The following XKR6 variants were observed in gnomAD, a reference collection of about 807,000 sequenced individuals.
The protein encoded by XKR6 is XK related 6, also known as XK-related protein 6.
XKR6 carries 22 observed loss-of-function variants against 56.7 expected under a neutral mutation model. The ratio of observed to expected loss-of-function variants is 0.39; its 90% CI spans 0.28 to 0.55. XKR6 has a LOEUF of 0.55. XKR6 is among the 20% of genes least tolerant of loss of function. XKR6 has a pLI of 0.66. For missense variants in XKR6, 852 were observed against 889.0 expected (o/e 0.96, Z 0.53); for synonymous variants, 524 against 387.8 (o/e 1.35, Z -4.13).
chr8:11,060,626 C>T (rs1236441661), intron 1 of XKR6, among the ~76,000 whole-genome samples: 1 of 152,176 alleles, frequency 6.6e-6, no homozygotes, highest in Non-Finnish European at 1.5e-5. Context: ...TTACACTTCC[C>T]GTACACAAAG....
intron 1 of XKR6, among the ~76,000 whole-genome samples, chr8:11,018,430 G>T (rs977556009): frequency 6.6e-6 from 1 of 152,330 alleles, no homozygotes; most frequent in East Asian, 1.9e-4. Flanking sequence ...GATGGCAAGA[G>T]AGGGAGGCCA....
chr8:11,135,175 G>A lies in XKR6; in HGVS notation c.764+65401C>T, dbSNP rs189720687. 5.3e-3 allele frequency among the ~76,000 whole-genome samples: 805 copies of A among 151,904 alleles called. 5 individuals carry two copies. The highest frequency in any genetic ancestry group is 9.3e-3 in the Non-Finnish European group (633 of 67,968). ...CTCCCGAGTAGCTGGGACTACAGGC[G>A]CCCACCAACAAGCCTGGCTAATTTT... On this transcript the variant is annotated intron_variant, in intron 1 of 2. Coordinates refer to ENST00000416569, the MANE Select transcript of XKR6 (RefSeq NM_173683.4).
intron 1 of XKR6, among the ~76,000 whole-genome samples, chr8:11,048,085 T>G (rs931742169): frequency 2.6e-5 from 4 of 152,102 alleles, no homozygotes; most frequent in Non-Finnish European, 5.9e-5. Context: ...AAGGGGACTG[T>G]CTGTATCCTT....
intron 1 of XKR6, among the ~76,000 whole-genome samples, chr8:10,984,297 T>A (rs1797801406): frequency 6.6e-6 from 1 of 152,160 alleles, no homozygotes; most frequent in Non-Finnish European, 1.5e-5. Context: ...TTGTAAAACA[T>A]AATAAAATTC....
At chr8:11,059,794 G>C (rs987030979) in intron 1 of XKR6, among the ~76,000 whole-genome samples, 1 of 152,004 alleles carries the variant, frequency 6.6e-6, no homozygotes, top group East Asian at 1.9e-4. Context: ...GACCCCGCTG[G>C]AGCGCGGTCC....
chr8:11,076,946 C>T (rs1458964673), intron 1 of XKR6, among the ~76,000 whole-genome samples: 1 of 152,210 alleles, frequency 6.6e-6, no homozygotes, highest in Non-Finnish European at 1.5e-5. Flanking sequence ...GAGGCTGAGG[C>T]ATGAGGATTG....
At chr8:10,961,832 C>A (rs1037136794) in intron 1 of XKR6, among the ~76,000 whole-genome samples, 1 of 152,196 alleles carries the variant, frequency 6.6e-6, no homozygotes, top group Non-Finnish European at 1.5e-5. Flanking sequence ...CCGAGGGGAA[C>A]GTTGCCAGGA....
Position 10,924,598 on chromosome 8 carries a change from G to A in XKR6, c.961+36C>T, listed in dbSNP as rs1457523971. The A allele has an allele frequency of 8.9e-6, 14 of 1,578,776 alleles. No individual in the cohort carries two copies. In the Admixed American group the frequency reaches 1.5e-4, roughly 17 times the overall value. Reference sequence around the variant, plus strand: ...GGCCGTGGTCCCCAGGTGGAGGGCAGGCCGGGGTGGCGGGGCGCGGCCGGC... The same window carrying A: ...GGCCGTGGTCCCCAGGTGGAGGGCAAGCCGGGGTGGCGGGGCGCGGCCGGC... On this transcript the variant is annotated intron_variant, in intron 2 of 2. Transcript: ENST00000416569.
intron 1 of XKR6, among the ~76,000 whole-genome samples, chr8:10,941,275 T>C (rs1215953877): frequency 6.6e-6 from 1 of 152,106 alleles, no homozygotes; most frequent in African/African-American, 2.4e-5. Context: ...GTTGGTTCCC[T>C]GGGGGCAGGA....
chr8:11,033,403 GTGATGGTGATGATGATGATGA>G (rs1563357999), intron 1 of XKR6, among the ~76,000 whole-genome samples: 1 of 145,046 alleles, frequency 6.9e-6, no homozygotes, highest in Non-Finnish European at 1.5e-5. Context: ...GATGACGATA[GTGATGGTGATGATGATGATGA>G]TGATGGTGAT....
chr8:11,035,315 T>C, intron 1 of XKR6: 1 of 534,784 alleles, frequency 1.9e-6, no homozygotes, highest in South Asian at 1.4e-5. Context: ...TCTTCCTGCG[T>C]TGTGGCAGCT....
At chr8:11,105,755 G>C (rs1798652391) in intron 1 of XKR6, 1 of 152,112 alleles carries the variant, frequency 6.6e-6, no homozygotes, top group Non-Finnish European at 1.5e-5. Context: ...TTCATTTCCA[G>C]CCACCCCAAC....
chr8:11,150,044 G>C (rs910230454), intron 1 of XKR6, among the ~76,000 whole-genome samples: 2 of 152,186 alleles, frequency 1.3e-5, no homozygotes, highest in Admixed American at 6.5e-5. Flanking sequence ...GTAGAGAGTA[G>C]AATGAGAGAT....
chr8:11,154,199 G>A (rs150257815), intron 1 of XKR6, among the ~76,000 whole-genome samples: 113 of 152,312 alleles, frequency 7.4e-4, no homozygotes, highest in Non-Finnish European at 1.4e-3. Context: ...GTGATTTAGG[G>A]TGGGAGCTCT....
intron 1 of XKR6, among the ~76,000 whole-genome samples, chr8:11,151,090 G>A (rs1214163760): frequency 6.6e-6 from 1 of 151,974 alleles, no homozygotes; most frequent in Non-Finnish European, 1.5e-5. Context: ...CCCTTAAAAT[G>A]TGCCCCTTTT....
rs573653275 is a variant in XKR6 at position 10,928,656 on chromosome 8, T to C, written c.765-3826A>G. ...TCGCGGAAACGCCGCTCCAGGCAAG[T>C]GATCTCATCCCACAGGCCCGCGCCC... On this transcript the variant is annotated intron_variant, in intron 1 of 2. Coordinates refer to ENST00000416569, the MANE Select transcript of XKR6 (RefSeq NM_173683.4). Among the ~76,000 whole-genome samples the C allele has an allele frequency of 9.2e-5, 14 of 152,206 alleles. No individual in the cohort carries two copies. The South Asian group carries it at 2.1e-3, about 23-fold the overall frequency.
intron 1 of XKR6, among the ~76,000 whole-genome samples, chr8:10,979,752 C>T (rs1797684709): frequency 6.6e-6 from 1 of 152,198 alleles, no homozygotes; most frequent in Non-Finnish European, 1.5e-5. Context: ...GCTACTTGGA[C>T]CCTCCGTAGG....
intron 2 of XKR6, among the ~76,000 whole-genome samples, chr8:10,901,156 A>G (rs1800026659): frequency 6.6e-6 from 1 of 151,012 alleles, no homozygotes; most frequent in African/African-American, 2.4e-5. Context: ...GCCAGGTTCA[A>G]GTGATTCTCC....
intron 1 of XKR6, among the ~76,000 whole-genome samples, chr8:11,083,724 T>C (rs144387794): frequency 2.6e-5 from 4 of 152,298 alleles, no homozygotes; most frequent in Middle Eastern, 3.4e-3. Context: ...AGGAAGGGAA[T>C]GCTTAGTATC....
Sources: allele counts gnomAD v4.1 joint callset (sites outside exome capture counted in the v4.1 genomes callset), GRCh38; gene constraint gnomAD v4.1.1; transcripts MANE v1.5; gene names NCBI Gene and HGNC (gene_info 2026-07-23, HGNC 2026-07-21).